The following ZNF483 variants were observed in gnomAD, a reference collection of about 807,000 sequenced individuals.
ZNF483 encodes the protein zinc finger protein 483.
A neutral mutation model predicts 28.6 loss-of-function variants in ZNF483; 9 were observed. That is an observed-to-expected ratio of 0.32 (90% CI 0.19 to 0.55). The LOEUF (loss-of-function observed/expected upper bound fraction) is 0.55, where lower values mean the gene tolerates loss of function less well. Ranked by LOEUF, ZNF483 falls within the 20% of genes least tolerant of loss-of-function variation. The pLI, the probability that ZNF483 is intolerant of heterozygous loss-of-function variation, is 0.93. For synonymous variants in ZNF483, 322 were observed against 306.2 expected (o/e 1.05, Z -0.54); for missense variants, 675 against 871.7 (o/e 0.77, Z 2.84).
rs1226715850 is a variant in ZNF483 at position 111,533,770 on chromosome 9, A to C, written c.533A>C (p.Asn178Thr). ...ESITLKDVAV[N>T]FSRGEWKKLE... ...ATAACATTGAAGGATGTAGCTGTGA[A>C]CTTTTCAAGAGGAGAGTGGAAGAAG... is the stretch of plus-strand genomic sequence containing the variant. Residue 178 changes from asparagine (N) to threonine (T), a missense_variant, in exon 4 of 6, where the codon AAC becomes ACC. Physicochemically the swap from Asn to Thr is moderately conservative, Grantham distance 65 (BLOSUM62 0). Around this residue, in one of 6 missense-constraint regions of ZNF483, gnomAD observed 525 missense variants for 581.8 expected, o/e 0.90. Transcript: ENST00000309235. 1 of 1,586,500 alleles carries C rather than the reference A, an allele frequency of 6.3e-7. No homozygotes were observed. Among genetic ancestry groups the C allele is most frequent in the African/African-American group, 1.4e-5 (1 of 72,626 alleles).
At chr9:111,526,357 T>C (rs1163862467) in intron 1 of ZNF483, among the ~76,000 whole-genome samples, 3 of 152,134 alleles carry the variant, frequency 2.0e-5, no homozygotes, top group Non-Finnish European at 4.4e-5. Context: ...TAGATCACAA[T>C]GCCATGGTCC....
chr9:111,531,002 C>A, intron 3 of ZNF483, 39 bp downstream of exon 3: 1 of 1,000,572 alleles, frequency 1.0e-6, no homozygotes, highest in Non-Finnish European at 1.5e-6. Flanking sequence ...TAAGTGAATA[C>A]TTAATTGAGC....
intron 2 of ZNF483, among the ~76,000 whole-genome samples, chr9:111,529,829 G>GAGCTCTTAGAACCCTTTATCTA (rs1827275050): frequency 6.6e-6 from 1 of 152,184 alleles, no homozygotes; most frequent in Non-Finnish European, 1.5e-5. Flanking sequence ...TTTTTATCCA[G>GAGCTCTTAGAACCCTTTATCTA]AGAGGCTCAG....
At chr9:111,536,708 C>A (rs986971440) in intron 5 of ZNF483, among the ~76,000 whole-genome samples, 3 of 151,914 alleles carry the variant, frequency 2.0e-5, no homozygotes, top group African/African-American at 4.8e-5. Context: ...TGACCGCACC[C>A]CCCCCGCCCC....
chr9:111,570,351 T>C, intron 5 of ZNF483: 1 of 1,361,880 alleles, frequency 7.3e-7, no homozygotes, highest in Non-Finnish European at 9.7e-7. Context: ...TCCTTTCTGA[T>C]CCACGGGACT....
At chr9:111,534,416 C>T (rs1589270353) in intron 5 of ZNF483, 63 bp downstream of exon 5, 1 of 1,395,036 alleles carries the variant, frequency 7.2e-7, no homozygotes, top group East Asian at 2.3e-5. Context: ...GTTGAGAAGA[C>T]TCTTTGAAAT....
intron 3 of ZNF483, among the ~76,000 whole-genome samples, chr9:111,532,123 A>G (rs1265428284): frequency 6.6e-6 from 1 of 152,150 alleles, no homozygotes; most frequent in Non-Finnish European, 1.5e-5. Flanking sequence ...AGTCTGGGCA[A>G]CATAGCGAGA....
At chr9:111,540,837 C>T (rs760460013) in intron 5 of ZNF483, among the ~76,000 whole-genome samples, 9 of 152,152 alleles carry the variant, frequency 5.9e-5, no homozygotes, top group African/African-American at 2.2e-4. Context: ...CTGGCTCTAT[C>T]GCGTATTATA....
rs1444032554 is a variant in ZNF483, at chr9:111,546,934, C to A, written c.*3764C>A. On this transcript the variant is annotated 3_prime_UTR_variant, in exon 6 of 6. Coordinates refer to ENST00000309235, the MANE Select transcript of ZNF483 (RefSeq NM_133464.5). ...ATTACTTGGTATGAATGGAATCATA[C>A]AATATTTGCCCTGTTGTGTTTGGCT... 6.6e-6 allele frequency among the ~76,000 whole-genome samples: 1 copy of A among 152,142 alleles called. No homozygotes were observed. Among genetic ancestry groups the A allele is most frequent in the Non-Finnish European group, 1.5e-5 (1 of 68,012 alleles).
In ZNF483 at chr9:111,549,938, T is replaced by C. The variant is rs1827890802; in HGVS notation, c.*6768T>C. The C allele has an allele frequency of 1.7e-6, 1 of 579,310 alleles. No individual in the cohort carries two copies. Among genetic ancestry groups the C allele is most frequent in the Middle Eastern group, 3.5e-4 (1 of 2,852 alleles). 35.9% of individuals were successfully genotyped at this position (579,310 alleles called of 1,614,324 possible). On this transcript the variant is annotated 3_prime_UTR_variant, in exon 6 of 6. Transcript: ENST00000309235. ...TTTTGTGCCTTTGAATGGTCAATAC[T>C]TGTTTCTTTGTATGCATCGTGATTG...
At chr9:111,563,499 C>G in intron 5 of ZNF483, 1 of 264,392 alleles carries the variant, frequency 3.8e-6, no homozygotes, top group Non-Finnish European at 7.0e-6. Context: ...TAAGCAATCT[C>G]TTTTTCTTTC....
chr9:111,555,677 AG>A (rs1208444145), downstream of ZNF483, among the ~76,000 whole-genome samples: 1 of 150,870 alleles, frequency 6.6e-6, no homozygotes, highest in Non-Finnish European at 1.5e-5. Flanking sequence ...GAGAGCAAAA[AG>A]GGGGAAGTGC....
chr9:111,542,620 A>G lies in ZNF483; in HGVS notation c.1685A>G (p.His562Arg). 1 of 1,614,080 alleles carries G rather than the reference A, an allele frequency of 6.2e-7. No homozygotes were observed. Among genetic ancestry groups the G allele is most frequent in the Non-Finnish European group, 8.5e-7 (1 of 1,180,002 alleles). The change falls in exon 6 of 6, where the codon CAT becomes CGT. Residue 562 changes from histidine to arginine, a missense_variant. Physicochemically the swap from His to Arg is conservative, Grantham distance 29. This residue lies in a region of ZNF483 where 41 missense variants were observed against 69.0 expected (regional missense o/e 0.59). Transcript: ENST00000309235. The surrounding 1 kb of genome is among the most constrained non-coding windows in gnomAD (Gnocchi z 6.2). ...AGCAATTGTGGAAAATCCTTCAGTC[A>G]TAGCTCATCCCTTTCCAAACATCAG... ...TCSNCGKSFS[H>R]SSSLSKHQRI...
In ZNF483 at chr9:111,545,609, A is replaced by C. The variant is rs1827788459; in HGVS notation, c.*2439A>C. On this transcript the variant is annotated 3_prime_UTR_variant, in exon 6 of 6. Coordinates refer to ENST00000309235, the MANE Select transcript of ZNF483 (RefSeq NM_133464.5). ...CTCTAATCCCAGGCACCCACTACTC[A>C]GTCGACTTTGTGTCTCTAGAGTTGT... Among the ~76,000 whole-genome samples, 1 of 152,088 alleles carries C rather than the reference A, an allele frequency of 6.6e-6. No homozygotes were observed. The highest frequency in any genetic ancestry group is 2.1e-4 in the South Asian group (1 of 4,828).
Position 111,551,819 on chromosome 9 carries a change from T to C in ZNF483, c.*8649T>C, listed in dbSNP as rs1324331754. ...CTTTTTAAGTAAATTCAGTAACATA[T>C]CAATTCAGTTTATTAGCATCAAATT... On this transcript the variant is annotated 3_prime_UTR_variant, in exon 6 of 6. Transcript: ENST00000309235. Among the ~76,000 whole-genome samples, 1 of 152,172 alleles carries C rather than the reference T, an allele frequency of 6.6e-6. No homozygotes were observed. The highest frequency in any genetic ancestry group is 2.4e-5 in the African/African-American group (1 of 41,430).
At chr9:111,555,680 G>A (rs1311909009), downstream of ZNF483, among the ~76,000 whole-genome samples, 2 of 152,096 alleles carry the variant, frequency 1.3e-5, no homozygotes, top group Non-Finnish European at 2.9e-5. Context: ...AGCAAAAAGG[G>A]GGAAGTGCTA....
rs543139065 is a variant in ZNF483 at position 111,532,771 on chromosome 9, C to T, written c.502-968C>T. ...GTGTATTTCAAAAATTAGCTGGGTG[C>T]GTTGGTGCATGCCTGTAATCCCAGC... On this transcript the variant is annotated intron_variant, in intron 3 of 5. Coordinates refer to ENST00000309235, the MANE Select transcript of ZNF483 (RefSeq NM_133464.5). Among the ~76,000 whole-genome samples the T allele has an allele frequency of 3.9e-5, 6 of 152,032 alleles. No homozygotes were observed. In the South Asian group the frequency reaches 8.3e-4, roughly 21 times the overall value.
chr9:111,530,629 G>A (rs1827302816), intron 2 of ZNF483, among the ~76,000 whole-genome samples: 1 of 150,406 alleles, frequency 6.6e-6, no homozygotes, highest in Non-Finnish European at 1.5e-5. Context: ...CTGCTGGGGA[G>A]TCCAACACAG....
At chr9:111,574,742 A>G (rs761362379) in intron 5 of ZNF483, 2 of 1,611,644 alleles carry the variant, frequency 1.2e-6, no homozygotes, top group Admixed American at 3.4e-5. Flanking sequence ...ACCTGGGGGA[A>G]GTGGGCCGGT....
Sources: allele counts gnomAD v4.1 joint callset (sites outside exome capture counted in the v4.1 genomes callset), GRCh38; gene constraint gnomAD v4.1.1; regional missense constraint gnomAD v4.1.1; non-coding constraint Gnocchi (gnomAD v3.1); transcripts MANE v1.5; gene names NCBI Gene and HGNC (gene_info 2026-07-23, HGNC 2026-07-21).